AK9: variants seen among roughly 807,000 people sequenced by gnomAD.
AK9 encodes the protein adenylate kinase domain containing 1.
Under a neutral mutation model 239.6 loss-of-function variants are expected in AK9, and 191 were observed. The ratio of observed to expected loss-of-function variants is 0.80; its 90% CI spans 0.71 to 0.90. The LOEUF (loss-of-function observed/expected upper bound fraction) is 0.90. Ranked by LOEUF, AK9 falls within the 40% of genes least tolerant of loss-of-function variation. The pLI is 0.00. For synonymous variants in AK9, 689 were observed against 721.0 expected, an observed-to-expected ratio of 0.96 and a Z score of 0.71; for missense variants, 1,995 against 2,214.7, an observed-to-expected ratio of 0.90 and a Z score of 1.99.
intron 1 of AK9, among the ~76,000 whole-genome samples, chr6:109,681,988 A>C (rs535794924): frequency 5.3e-5 from 8 of 152,352 alleles, no homozygotes; most frequent in South Asian, 2.1e-4. Context: ...AGAAAGCAGG[A>C]AAGATCTAAA....
chr6:109,562,347 A>C (rs141951426), intron 24 of AK9, among the ~76,000 whole-genome samples: 2 of 152,312 alleles, frequency 1.3e-5, no homozygotes, highest in East Asian at 3.9e-4. Flanking sequence ...TTAAAAGTTC[A>C]ACTTAGGTAT....
intron 25 of AK9, 28 bp downstream of exon 25, chr6:109,550,062 A>G (rs773111874): frequency 1.2e-6 from 2 of 1,600,984 alleles, no homozygotes; most frequent in South Asian, 2.2e-5. Flanking sequence ...CTGTGGGAGC[A>G]ATCATTAAGA....
intron 25 of AK9, among the ~76,000 whole-genome samples, chr6:109,546,708 C>A (rs926063125): frequency 6.6e-6 from 1 of 152,078 alleles, no homozygotes; most frequent in Non-Finnish European, 1.5e-5. Flanking sequence ...GTAGGATAAG[C>A]CTCAAAGGGG....
intron 35 of AK9, among the ~76,000 whole-genome samples, chr6:109,502,343 G>A (rs139524204): frequency 1.2e-4 from 19 of 152,272 alleles, no homozygotes; most frequent in African/African-American, 3.9e-4. Flanking sequence ...AGACAGATAC[G>A]GAAGGGAGAA....
chr6:109,672,090 T>C (rs1264596145), intron 4 of AK9, 25 bp downstream of exon 4: 1 of 1,613,052 alleles, frequency 6.2e-7, no homozygotes, highest in Non-Finnish European at 8.5e-7. Flanking sequence ...TAATCATAGT[T>C]ACTTTGAAAT....
At chr6:109,644,004 G>A (rs1472186155) in intron 9 of AK9, among the ~76,000 whole-genome samples, 1 of 152,136 alleles carries the variant, frequency 6.6e-6, no homozygotes, top group Non-Finnish European at 1.5e-5. Flanking sequence ...GTGTATCCCT[G>A]ACTGTAACAC....
intron 12 of AK9, among the ~76,000 whole-genome samples, chr6:109,629,880 G>C (rs912827444): frequency 1.3e-5 from 2 of 151,954 alleles, no homozygotes; most frequent in African/African-American, 4.8e-5. Context: ...TGATCTACCC[G>C]CCTCGGCCTC....
intron 6 of AK9, among the ~76,000 whole-genome samples, chr6:109,662,074 G>A (rs980951671): frequency 6.6e-6 from 1 of 152,150 alleles, no homozygotes; most frequent in Non-Finnish European, 1.5e-5. Context: ...TAATATACTG[G>A]TTGATGTTTA....
At position 109,499,032 on chromosome 6, in the gene AK9, G is replaced by T; in HGVS notation, c.5046+12C>A. On this transcript the variant is annotated intron_variant, in intron 36 of 40. Coordinates refer to ENST00000424296, the MANE Select transcript of AK9 (RefSeq NM_001145128.3). ...TTCTTTAGTAAATATTTGGAGTTAGGAACAAACTTACATTCAGTTTTTCCT... is the reference window on the plus strand; with the variant it reads ...TTCTTTAGTAAATATTTGGAGTTAGTAACAAACTTACATTCAGTTTTTCCT... 1 of 1,493,556 alleles carries T rather than the reference G, an allele frequency of 6.7e-7. No homozygotes were observed. Among genetic ancestry groups the T allele is most frequent in the South Asian group, 1.3e-5 (1 of 74,514 alleles). 92.5% of individuals were successfully genotyped at this position (1,493,556 alleles called of 1,614,324 possible).
chr6:109,658,721 T>C (rs568473316), intron 7 of AK9, among the ~76,000 whole-genome samples: 3 of 152,260 alleles, frequency 2.0e-5, no homozygotes, highest in Non-Finnish European at 2.9e-5. Flanking sequence ...TGATTATAAG[T>C]TGAAATAAAA....
At chr6:109,675,592 T>TAAAA in intron 2 of AK9, 37 bp downstream of exon 2, 1 of 1,255,450 alleles carries the variant, frequency 8.0e-7, no homozygotes, top group Non-Finnish European at 1.1e-6. Context: ...ATTTTAAAAA[T>TAAAA]AAAAAAAATT....
chr6:109,671,789 C>T, intron 5 of AK9, 130 bp downstream of exon 5: 1 of 703,026 alleles, frequency 1.4e-6, no homozygotes, highest in Non-Finnish European at 2.4e-6. Flanking sequence ...AGCTGTTCAA[C>T]TGAATAGAGA....
chr6:109,573,856 T>C (rs1448963696), intron 20 of AK9, among the ~76,000 whole-genome samples: 2 of 152,144 alleles, frequency 1.3e-5, no homozygotes, highest in African/African-American at 4.8e-5. Context: ...TTGTGGCAGT[T>C]CCAAACATCC....
Position 109,614,405 on chromosome 6 carries a change from T to C in AK9, c.1475A>G (p.His492Arg). The C allele has an allele frequency of 6.4e-7, 1 of 1,551,206 alleles. No individual in the cohort carries two copies. The highest frequency in any genetic ancestry group is 1.4e-5 in the African/African-American group (1 of 73,138). ...TTTACCTTCTTCATCAATTGATGAG[T>C]GTGTTGCCTCCATTGGGAATACTCC... The part of the protein sequence containing the change: ...EFGVFPMEAT[H>R]SSIDEEGYIQ... Residue 492 changes from histidine to arginine, a missense_variant, in exon 14 of 41, where the codon CAC becomes CGC. By Grantham distance (29) the His-to-Arg change is conservative. Transcript: ENST00000424296.
Position 109,493,512 on chromosome 6 carries a change from A to G in AK9, c.5593T>C (p.Phe1865Leu), listed in dbSNP as rs758334300. The G allele has an allele frequency of 1.9e-6, 3 of 1,614,014 alleles. No homozygotes were observed. Among genetic ancestry groups the G allele is most frequent in the Non-Finnish European group, 2.5e-6 (3 of 1,180,032 alleles). Residue 1865 changes from phenylalanine to leucine, a missense_variant, in exon 41 of 41, where the codon TTT becomes CTT. By Grantham distance (22) the Phe-to-Leu change is conservative. Around this residue, in one of 5 missense-constraint regions of AK9, gnomAD observed 391 missense variants for 456.0 expected, o/e 0.86. Coordinates refer to ENST00000424296, the MANE Select transcript of AK9 (RefSeq NM_001145128.3). ...GTTATGAGTTCACAACTCTCCATAA[A>G]CTGCTCCATCTTCTTCTTATACTTT... ...RKKYKKKMEQ[F>L]MESCELITYL...
intron 3 of AK9, among the ~76,000 whole-genome samples, chr6:109,673,995 A>T (rs1029565568): frequency 1.3e-5 from 2 of 151,780 alleles, no homozygotes; most frequent in Non-Finnish European, 2.9e-5. Flanking sequence ...ATAATTAATT[A>T]AATTAAATAT....
Position 109,580,460 on chromosome 6 carries a change from G to T in AK9, c.2115-834C>A, listed in dbSNP as rs562801812. Among the ~76,000 whole-genome samples the T allele has an allele frequency of 6.6e-5, 10 of 152,238 alleles. No individual in the cohort carries two copies. In the East Asian group the frequency reaches 1.9e-3, roughly 29 times the overall value. ...CTACTGCACAAAGAAACACACAAAA[G>T]AATGTTGACTGAATCTTTAAAAAAT... On this transcript the variant is annotated intron_variant, in intron 19 of 40. Coordinates refer to ENST00000424296, the MANE Select transcript of AK9 (RefSeq NM_001145128.3).
At chr6:109,629,746 C>T (rs1035632674) in intron 12 of AK9, among the ~76,000 whole-genome samples, 1 of 152,026 alleles carries the variant, frequency 6.6e-6, no homozygotes, top group Admixed American at 6.6e-5. Context: ...CATTCTCCTG[C>T]CTCAGCCTCC....
chr6:109,649,282 G>C (rs1259865088), intron 8 of AK9, among the ~76,000 whole-genome samples: 1 of 151,698 alleles, frequency 6.6e-6, no homozygotes, highest in Non-Finnish European at 1.5e-5. Context: ...TATTCAATTA[G>C]GAAAAGAGGA....
Sources: allele counts gnomAD v4.1 joint callset (sites outside exome capture counted in the v4.1 genomes callset), GRCh38; gene constraint gnomAD v4.1.1; regional missense constraint gnomAD v4.1.1; transcripts MANE v1.5; gene names NCBI Gene and HGNC (gene_info 2026-07-23, HGNC 2026-07-21).